ZMAT4: variants seen among roughly 807,000 people sequenced by gnomAD.
ZMAT4 encodes zinc finger matrin-type 4, also known as zinc finger matrin-type protein 4.
A neutral mutation model predicts 28.7 loss-of-function variants in ZMAT4; 17 were observed. That is an observed-to-expected ratio of 0.59 (90% confidence interval 0.41 to 0.89). The LOEUF is 0.89. Ranked by LOEUF, ZMAT4 falls within the 40% of genes least tolerant of loss-of-function variation. ZMAT4 has a pLI of 0.00. For missense variants in ZMAT4, 240 were observed against 283.8 expected (o/e 0.85, Z 1.11); for synonymous variants, 117 against 109.2 (o/e 1.07, Z -0.44).
At chr8:40,637,232 C>G (rs1806828800) in intron 5 of ZMAT4, among the ~76,000 whole-genome samples, 1 of 152,058 alleles carries the variant, frequency 6.6e-6, no homozygotes, top group Non-Finnish European at 1.5e-5. Flanking sequence ...CACAGTAATA[C>G]AATCAAAATA....
chr8:40,681,490 G>T (rs1424575636), intron 4 of ZMAT4, among the ~76,000 whole-genome samples: 1 of 152,136 alleles, frequency 6.6e-6, no homozygotes, highest in African/African-American at 2.4e-5. Flanking sequence ...CATTCAGTGA[G>T]TGGCTTAAGA....
At chr8:40,815,481 A>T (rs1239215480) in intron 2 of ZMAT4, among the ~76,000 whole-genome samples, 1 of 152,168 alleles carries the variant, frequency 6.6e-6, no homozygotes, top group Non-Finnish European at 1.5e-5. Context: ...AGGAGAGCAA[A>T]GGAAAATTTC....
chr8:40,663,910 T>C (rs1006409280), intron 5 of ZMAT4, among the ~76,000 whole-genome samples: 1 of 152,214 alleles, frequency 6.6e-6, no homozygotes, highest in African/African-American at 2.4e-5. Flanking sequence ...GCTTTTATTT[T>C]AATTGATTAA....
chr8:40,781,564 C>A (rs1813825630), intron 2 of ZMAT4, among the ~76,000 whole-genome samples: 1 of 150,976 alleles, frequency 6.6e-6, no homozygotes, highest in Non-Finnish European at 1.5e-5. Flanking sequence ...AGTTCGAGAC[C>A]ATCCCGGCTA....
intron 1 of ZMAT4, among the ~76,000 whole-genome samples, chr8:40,849,798 T>C (rs899975847): frequency 6.6e-6 from 1 of 152,184 alleles, no homozygotes; most frequent in Non-Finnish European, 1.5e-5. Context: ...GTGACCACTA[T>C]CTGCTCAATT....
chr8:40,881,619 GAGAA>G (rs753598280), intron 1 of ZMAT4, among the ~76,000 whole-genome samples: 124 of 150,546 alleles, frequency 8.2e-4, no homozygotes, highest in African/African-American at 2.6e-3. Context: ...AAAAGAGAGA[GAGAA>G]AGAAAGAATA....
chr8:40,629,380 CTT>C (rs199953278), intron 5 of ZMAT4, among the ~76,000 whole-genome samples: 2,354 of 148,186 alleles, frequency 0.016, 54 homozygotes, highest in African/African-American at 0.055. Context: ...TTTTTTTTGA[CTT>C]TGCCTGCAAT....
chr8:40,776,298 A>G (rs1813593860), intron 2 of ZMAT4, among the ~76,000 whole-genome samples: 1 of 152,242 alleles, frequency 6.6e-6, no homozygotes, highest in African/African-American at 2.4e-5. Flanking sequence ...CTTACCATAA[A>G]AAGTATTAGG....
At chr8:40,554,977 C>A (rs1057036830) in intron 6 of ZMAT4, among the ~76,000 whole-genome samples, 2 of 152,088 alleles carry the variant, frequency 1.3e-5, no homozygotes, top group Non-Finnish European at 2.9e-5. Context: ...ATACCCACAC[C>A]CACACATCCT....
chr8:40,792,475 G>A (rs1814374667), intron 2 of ZMAT4, among the ~76,000 whole-genome samples: 1 of 2,418 alleles, frequency 4.1e-4, no homozygotes, highest in Non-Finnish European at 8.4e-4. Context: ...ATAGTATTCA[G>A]GAAGGAAGGA....
At chr8:40,845,719 T>A (rs1315989151) in intron 1 of ZMAT4, among the ~76,000 whole-genome samples, 42 of 138,932 alleles carry the variant, frequency 3.0e-4, no homozygotes, top group African/African-American at 7.1e-4. Context: ...AAAAAAAAAA[T>A]TTTTAGAAGC....
intron 5 of ZMAT4, among the ~76,000 whole-genome samples, chr8:40,592,686 C>A (rs1170472158): frequency 6.6e-6 from 1 of 152,102 alleles, no homozygotes; most frequent in African/African-American, 2.4e-5. Flanking sequence ...CAAGAAAGGG[C>A]TGGAAAATTG....
At chr8:40,697,529 T>C (rs200955292) in intron 3 of ZMAT4, 128 bp from the exon 4 acceptor site, 3 of 692,188 alleles carry the variant, frequency 4.3e-6, no homozygotes, top group Non-Finnish European at 5.9e-6. Context: ...CTCTCTCTCT[T>C]TTTGCCTTGC....
chr8:40,858,056 A>G (rs1307884954), intron 1 of ZMAT4, among the ~76,000 whole-genome samples: 1 of 152,220 alleles, frequency 6.6e-6, no homozygotes, highest in Non-Finnish European at 1.5e-5. Flanking sequence ...TGTATATTTT[A>G]TTTGGGTGGA....
rs1232828605 is a variant in ZMAT4, at chr8:40,852,669, C to T, written c.-4-26989G>A. On this transcript the variant is annotated intron_variant, in intron 1 of 6. Transcript: ENST00000297737. ...AAACCATACCAATGAACTTTTTGTA[C>T]TCCATTGTAAAACTTCTTTTGGTGT... 3.9e-5 allele frequency among the ~76,000 whole-genome samples: 6 copies of T among 152,168 alleles called. No individual in the cohort carries two copies. The East Asian group carries it at 1.2e-3, about 29-fold the overall frequency.
At chr8:40,707,577 T>G (rs1253715396) in intron 3 of ZMAT4, among the ~76,000 whole-genome samples, 2 of 152,142 alleles carry the variant, frequency 1.3e-5, no homozygotes, top group Non-Finnish European at 1.5e-5. Flanking sequence ...CATATTTGTA[T>G]GTAAGTCAAA....
chr8:40,805,675 A>T (rs1168133294), intron 2 of ZMAT4, among the ~76,000 whole-genome samples: 13 of 148,750 alleles, frequency 8.7e-5, no homozygotes, highest in African/African-American at 3.2e-4. Flanking sequence ...CATTCTCAGT[A>T]AACTATCGCA....
At chr8:40,677,831 G>T (rs1808974474) in intron 4 of ZMAT4, among the ~76,000 whole-genome samples, 2 of 152,110 alleles carry the variant, frequency 1.3e-5, no homozygotes, top group Non-Finnish European at 2.9e-5. Flanking sequence ...TTCATAGTTT[G>T]TTTTTATTCT....
chr8:40,564,106 G>A (rs1803837976), intron 6 of ZMAT4, among the ~76,000 whole-genome samples: 1 of 152,144 alleles, frequency 6.6e-6, no homozygotes, highest in South Asian at 2.1e-4. Flanking sequence ...TCCAAAAAGA[G>A]AAAATACGTG....
Sources: allele counts gnomAD v4.1 joint callset (sites outside exome capture counted in the v4.1 genomes callset), GRCh38; gene constraint gnomAD v4.1.1; transcripts MANE v1.5; gene names NCBI Gene and HGNC (gene_info 2026-07-23, HGNC 2026-07-21).